The following LRRC7 variants were observed in gnomAD, a reference collection of about 807,000 sequenced individuals.
LRRC7 encodes the protein leucine-rich repeat-containing protein 7.
Under a neutral mutation model 175.7 loss-of-function variants are expected in LRRC7, and 23 were observed. The observed-to-expected ratio is 0.13, with a 90% confidence interval of 0.09 to 0.19. The LOEUF is 0.19. Ranked by LOEUF, LRRC7 falls within the 10% of genes least tolerant of loss-of-function variation. The probability of loss-of-function intolerance (pLI) is 1.00; values close to 1 mark genes in which losing one functional copy is unlikely to be tolerated. For synonymous variants in LRRC7, 685 were observed against 680.9 expected (o/e 1.01, Z -0.09); for missense variants, 1,354 against 1,904.7 (o/e 0.71, Z 5.38).
intron 1 of LRRC7, among the ~76,000 whole-genome samples, chr1:69,670,143 T>G (rs1457720597): frequency 6.6e-6 from 1 of 152,134 alleles, no homozygotes; most frequent in Non-Finnish European, 1.5e-5. Flanking sequence ...CTTATAGATA[T>G]TCATCTGTGT....
At chr1:69,915,577 C>T (rs1646661249) in intron 7 of LRRC7, among the ~76,000 whole-genome samples, 2 of 152,026 alleles carry the variant, frequency 1.3e-5, no homozygotes, top group South Asian at 2.1e-4. Flanking sequence ...AGATTCACAA[C>T]GAACATTTGT....
At chr1:69,589,583 G>T (rs1221956333) in intron 1 of LRRC7, among the ~76,000 whole-genome samples, 3 of 152,054 alleles carry the variant, frequency 2.0e-5, no homozygotes, top group Admixed American at 2.0e-4. Context: ...GACTTCCAGG[G>T]TTGTATTTTG....
chr1:69,781,677 CTCAAAAAAAAGA>C (rs1673515387), intron 3 of LRRC7, among the ~76,000 whole-genome samples: 2 of 90,312 alleles, frequency 2.2e-5, no homozygotes, highest in Non-Finnish European at 4.3e-5. Context: ...GCAAGACTGT[CTCAAAAAAAAGA>C]AGAAAGAAAG....
intron 7 of LRRC7, 167 bp downstream of exon 7, chr1:69,838,450 A>T: frequency 1.7e-6 from 1 of 575,430 alleles, no homozygotes; most frequent in Non-Finnish European, 3.2e-6. Context: ...ATATTACATG[A>T]GAATGTATTC....
chr1:69,652,722 A>C (rs1008418076), intron 1 of LRRC7, among the ~76,000 whole-genome samples: 3 of 152,122 alleles, frequency 2.0e-5, no homozygotes, highest in Non-Finnish European at 4.4e-5. Context: ...TAATAACCAA[A>C]ATAGAGGCTT....
At chr1:70,053,212 T>C in intron 23 of LRRC7, 67 bp downstream of exon 23, 2 of 1,341,196 alleles carry the variant, frequency 1.5e-6, no homozygotes, top group Non-Finnish European at 9.9e-7. Flanking sequence ...ATATAATAAA[T>C]ATTTTGTGTC....
intron 24 of LRRC7, among the ~76,000 whole-genome samples, chr1:70,077,173 A>G (rs997281280): frequency 6.6e-6 from 1 of 152,000 alleles, no homozygotes; most frequent in Non-Finnish European, 1.5e-5. Flanking sequence ...CATTCTCCAG[A>G]TTTTCCCTTT....
chr1:69,926,909 T>A (rs895223758), intron 7 of LRRC7, among the ~76,000 whole-genome samples: 1 of 152,228 alleles, frequency 6.6e-6, no homozygotes, highest in South Asian at 2.1e-4. Flanking sequence ...GCCTCAATGG[T>A]CTTTACATTT....
intron 1 of LRRC7, among the ~76,000 whole-genome samples, chr1:69,583,338 AAATAT>A (rs1646274353): frequency 6.6e-6 from 1 of 152,084 alleles, no homozygotes; most frequent in Non-Finnish European, 1.5e-5. Flanking sequence ...CTAAAATATG[AAATAT>A]AATCTAATTA....
At chr1:69,949,880 C>T (rs1333859773) in intron 8 of LRRC7, among the ~76,000 whole-genome samples, 2 of 152,006 alleles carry the variant, frequency 1.3e-5, no homozygotes, top group African/African-American at 4.8e-5. Flanking sequence ...CAGAGGGACT[C>T]GTTTTGGTTT....
At chr1:69,756,944 T>A (rs1267328771) in intron 2 of LRRC7, among the ~76,000 whole-genome samples, 3 of 151,680 alleles carry the variant, frequency 2.0e-5, no homozygotes, top group East Asian at 3.9e-4. Flanking sequence ...AGTCATGGAG[T>A]AGCACTACAA....
intron 2 of LRRC7, among the ~76,000 whole-genome samples, chr1:69,705,896 T>C (rs776159733): frequency 3.3e-5 from 5 of 152,276 alleles, no homozygotes; most frequent in Middle Eastern, 6.8e-3. Flanking sequence ...CTTGATAGTA[T>C]AAAGAAATGC....
chr1:70,058,484 A>G (rs977993369), intron 23 of LRRC7, among the ~76,000 whole-genome samples: 20 of 152,238 alleles, frequency 1.3e-4, no homozygotes, highest in Admixed American at 6.5e-5. Flanking sequence ...TGGTTTCAGA[A>G]GGAGAATTTG....
In LRRC7 at chr1:69,887,788, G is replaced by A. The variant is rs1159292755; in HGVS notation, c.648-43719G>A. 2.3e-4 allele frequency among the ~76,000 whole-genome samples: 33 copies of A among 146,660 alleles called. No homozygotes were observed. In the South Asian group the frequency reaches 7.2e-3, roughly 32 times the overall value. ...TCTTTGATGATGGTGATGTACAGAT[G>A]GGTTTTTGGTGTGGATGTCCTTTCT... On this transcript the variant is annotated intron_variant, in intron 7 of 26. Coordinates refer to ENST00000651989, the MANE Select transcript of LRRC7 (RefSeq NM_001370785.2).
At chr1:69,998,203 A>T (rs1655189409) in intron 11 of LRRC7, among the ~76,000 whole-genome samples, 1 of 152,152 alleles carries the variant, frequency 6.6e-6, no homozygotes, top group Non-Finnish European at 1.5e-5. Context: ...ATAAGCTTTG[A>T]CGTAGCTAAG....
In LRRC7 at chr1:70,136,721, C is replaced by CTTTT. The variant is rs1204650835; in HGVS notation, c.*14855_*14858dup. Among the ~76,000 whole-genome samples, 347 of 98,348 alleles carry CTTTT rather than the reference C, an allele frequency of 3.5e-3. 19 individuals carry two copies. Among genetic ancestry groups the CTTTT allele is most frequent in the African/African-American group, 0.011 (254 of 23,396 alleles). 64.5% of individuals were successfully genotyped at this position (98,348 alleles called of 152,430 possible). A position where few individuals can be genotyped will look rare whatever the true frequency, so the allele number is the denominator to read the frequency against. On this transcript the variant is annotated 3_prime_UTR_variant, in exon 27 of 27. Coordinates refer to ENST00000651989, the MANE Select transcript of LRRC7 (RefSeq NM_001370785.2). ...TTCTGCTTTATTGCTTTTTTAATGC[C>CTTTT]TTTTTTTTTTTTTTTTTTTTTTTTC...
intron 8 of LRRC7, among the ~76,000 whole-genome samples, chr1:69,946,603 A>G (rs890522386): frequency 1.3e-5 from 2 of 151,104 alleles, no homozygotes; most frequent in African/African-American, 2.4e-5. Context: ...GCATATATTT[A>G]TAGTTGTTAT....
At position 69,922,873 on chromosome 1, in the gene LRRC7, C is replaced by T. The variant is rs1352557034; in HGVS notation, c.648-8634C>T. ...ATGTTCACAATGTGCAGGTTAGTTA[C>T]GTATGTATACATACGCCATGCTGGT... On this transcript the variant is annotated intron_variant, in intron 7 of 26. Coordinates refer to ENST00000651989, the MANE Select transcript of LRRC7 (RefSeq NM_001370785.2). Among the ~76,000 whole-genome samples the T allele has an allele frequency of 3.3e-5, 5 of 151,862 alleles. No homozygotes were observed. In the East Asian group the frequency reaches 7.8e-4, roughly 24 times the overall value.
chr1:69,648,928 G>A (rs61782248), intron 1 of LRRC7, among the ~76,000 whole-genome samples: 17,648 of 152,228 alleles, frequency 0.12, 1,371 homozygotes, highest in African/African-American at 0.21. Flanking sequence ...AGGCAAATGG[G>A]ATTGTATTTT....
Sources: allele counts gnomAD v4.1 joint callset (sites outside exome capture counted in the v4.1 genomes callset), GRCh38; gene constraint gnomAD v4.1.1; transcripts MANE v1.5; gene names NCBI Gene and HGNC (gene_info 2026-07-23, HGNC 2026-07-21).